The following CDC42BPA variants were observed in gnomAD, a reference collection of about 807,000 sequenced individuals.
CDC42BPA encodes the protein CDC42 binding protein kinase alpha.
A neutral mutation model predicts 223.5 loss-of-function variants in CDC42BPA; 80 were observed. The observed-to-expected ratio is 0.36, with a 90% CI of 0.30 to 0.43. CDC42BPA has a LOEUF of 0.43. Among genes scored for constraint, CDC42BPA ranks in the 20% least tolerant of loss-of-function variants. The pLI is 1.00. For missense variants in CDC42BPA, 1,743 were observed against 2,099.9 expected (o/e 0.83, Z 3.32); for synonymous variants, 694 against 718.6 (o/e 0.97, Z 0.55).
chr1:227,003,115 G>C (rs1370835728), intron 35 of CDC42BPA, among the ~76,000 whole-genome samples: 3 of 152,070 alleles, frequency 2.0e-5, no homozygotes, highest in Non-Finnish European at 2.9e-5. Context: ...GCCAAAATCA[G>C]TATTTGCTGA....
At chr1:227,066,344 C>T (rs12144369) in intron 21 of CDC42BPA, among the ~76,000 whole-genome samples, 52,674 of 151,296 alleles carry the variant, frequency 0.35, 9,500 homozygotes, top group South Asian at 0.55. Context: ...GAGCTGAGAT[C>T]GTGTCACCGC....
chr1:227,276,152 G>A (rs1686968873), intron 1 of CDC42BPA, among the ~76,000 whole-genome samples: 1 of 151,700 alleles, frequency 6.6e-6, no homozygotes. Flanking sequence ...CGTCTAGGAA[G>A]TGAGGAGCGT....
At chr1:227,250,305 T>C (rs779787727) in intron 2 of CDC42BPA, among the ~76,000 whole-genome samples, 51 of 152,052 alleles carry the variant, frequency 3.4e-4, no homozygotes, top group Non-Finnish European at 6.2e-4. Flanking sequence ...CTGACCAACA[T>C]GGTGAAACCA....
intron 10 of CDC42BPA, among the ~76,000 whole-genome samples, chr1:227,130,015 A>C (rs1040760273): frequency 6.6e-6 from 1 of 152,220 alleles, no homozygotes; most frequent in African/African-American, 2.4e-5. Flanking sequence ...GTTAAAATAG[A>C]AAATATTAAT....
Position 226,989,943 on chromosome 1 carries a change from G to A in CDC42BPA, c.*4325C>T, listed in dbSNP as rs1378211175. ...TATCAACATAAAGTATTGGTGAGGA[G>A]TCTTTTGTGACATTTTTTACCATCC... On this transcript the variant is annotated 3_prime_UTR_variant, in exon 37 of 37. Coordinates refer to ENST00000366766, the MANE Select transcript of CDC42BPA (RefSeq NM_001394014.1). 2 of 152,638 alleles carry A rather than the reference G, an allele frequency of 1.3e-5. No individual in the cohort carries two copies. Among genetic ancestry groups the A allele is most frequent in the Non-Finnish European group, 2.9e-5 (2 of 68,032 alleles). The allele number at this position is 152,638 out of a possible 1,614,324, so 9.5% of individuals were successfully genotyped here.
At chr1:227,292,403 AT>A (rs992490956) in intron 1 of CDC42BPA, among the ~76,000 whole-genome samples, 1 of 152,182 alleles carries the variant, frequency 6.6e-6, no homozygotes, top group Non-Finnish European at 1.5e-5. Flanking sequence ...GCGTTTCCAT[AT>A]TTTTTCCACA....
chr1:227,088,757 G>A (rs1050043389), intron 16 of CDC42BPA, among the ~76,000 whole-genome samples: 9 of 152,006 alleles, frequency 5.9e-5, no homozygotes, highest in South Asian at 2.1e-4. Context: ...ACAGACTGTC[G>A]CTCTGTCGCT....
At chr1:227,091,788 C>G in intron 16 of CDC42BPA, 98 bp downstream of exon 16, 1 of 599,992 alleles carries the variant, frequency 1.7e-6, no homozygotes, top group Non-Finnish European at 2.8e-6. Context: ...GACTATTAAA[C>G]AAAAATGTAT....
At chr1:227,171,268 A>G (rs1313485185) in intron 5 of CDC42BPA, among the ~76,000 whole-genome samples, 4 of 152,246 alleles carry the variant, frequency 2.6e-5, no homozygotes, top group African/African-American at 7.2e-5. Flanking sequence ...ACAAAAGTAA[A>G]TAAGATTTGG....
chr1:227,066,780 C>T (rs756905986), intron 21 of CDC42BPA, among the ~76,000 whole-genome samples: 18 of 152,174 alleles, frequency 1.2e-4, no homozygotes, highest in South Asian at 8.3e-4. Flanking sequence ...TTATTACTGA[C>T]GGCATTACAT....
intron 2 of CDC42BPA, among the ~76,000 whole-genome samples, chr1:227,236,860 T>A (rs557778818): frequency 2.0e-5 from 3 of 151,802 alleles, no homozygotes; most frequent in Non-Finnish European, 4.4e-5. Context: ...CTGGGCAACA[T>A]GGCAAAACTC....
intron 2 of CDC42BPA, among the ~76,000 whole-genome samples, chr1:227,242,612 A>G (rs1572584913): frequency 6.6e-6 from 1 of 152,292 alleles, no homozygotes; most frequent in East Asian, 1.9e-4. Context: ...AAGAAAATAA[A>G]AAATAGAATT....
intron 24 of CDC42BPA, among the ~76,000 whole-genome samples, chr1:227,036,142 A>G (rs1670177643): frequency 6.6e-6 from 1 of 152,222 alleles, no homozygotes; most frequent in Admixed American, 6.5e-5. Flanking sequence ...TAAAATAACA[A>G]TAGTTAACTT....
intron 4 of CDC42BPA, among the ~76,000 whole-genome samples, chr1:227,198,000 A>G (rs908457396): frequency 2.6e-5 from 4 of 152,174 alleles, no homozygotes; most frequent in Non-Finnish European, 5.9e-5. Flanking sequence ...ACTCTATGCT[A>G]TGGTTTTTAC....
intron 14 of CDC42BPA, 40 bp from the exon 15 acceptor site, chr1:227,101,279 A>C: frequency 8.2e-7 from 1 of 1,215,174 alleles, no homozygotes; most frequent in Non-Finnish European, 1.1e-6. Context: ...ATCTACAAGA[A>C]TAATAAAATA....
chr1:227,052,107 CT>C, intron 21 of CDC42BPA, 122 bp from the exon 22 acceptor site: 1 of 471,082 alleles, frequency 2.1e-6, no homozygotes, highest in Non-Finnish European at 4.1e-6. Context: ...GGATAACAAA[CT>C]TTAGTTTGAA....
intron 25 of CDC42BPA, 78 bp from the exon 26 acceptor site, chr1:227,034,872 T>G: frequency 2.0e-5 from 26 of 1,286,670 alleles, no homozygotes; most frequent in Middle Eastern, 1.9e-4. Flanking sequence ...TGTAATTGCA[T>G]GGTGAAGACC....
At chr1:227,067,637 A>C (rs1273322226) in intron 21 of CDC42BPA, among the ~76,000 whole-genome samples, 1 of 152,146 alleles carries the variant, frequency 6.6e-6, no homozygotes, top group Non-Finnish European at 1.5e-5. Flanking sequence ...GAGAATAGCA[A>C]AACACTTTGT....
chr1:227,163,029 CATAT>C (rs1184692761), intron 5 of CDC42BPA, among the ~76,000 whole-genome samples: 3 of 77,910 alleles, frequency 3.9e-5, no homozygotes, highest in African/African-American at 9.7e-5. Flanking sequence ...TGTTTCCAAA[CATAT>C]GTGTTTCCAA....
Sources: allele counts gnomAD v4.1 joint callset (sites outside exome capture counted in the v4.1 genomes callset), GRCh38; gene constraint gnomAD v4.1.1; transcripts MANE v1.5; gene names NCBI Gene and HGNC (gene_info 2026-07-23, HGNC 2026-07-21).